SNTG1: variants seen among roughly 807,000 people sequenced by gnomAD.
SNTG1 encodes gamma-1-syntrophin.
SNTG1 carries 39 observed loss-of-function variants against 74.7 expected under a neutral mutation model. That is an observed-to-expected ratio of 0.52 (90% confidence interval 0.40 to 0.68). The LOEUF (loss-of-function observed/expected upper bound fraction) is 0.68. Ranked by LOEUF, SNTG1 falls within the 30% of genes least tolerant of loss-of-function variation. The pLI, the probability that SNTG1 is intolerant of heterozygous loss-of-function variation, is 0.00. For missense variants in SNTG1, 685 were observed against 609.5 expected, an observed-to-expected ratio of 1.12 and a Z score of -1.30; for synonymous variants, 254 against 217.1, an observed-to-expected ratio of 1.17 and a Z score of -1.49.
chr8:50,649,704 C>A (rs904770158), intron 13 of SNTG1, among the ~76,000 whole-genome samples: 1 of 152,184 alleles, frequency 6.6e-6, no homozygotes, highest in Non-Finnish European at 1.5e-5. Context: ...AAGCCAAAAT[C>A]TCTTTTCTGA....
intron 4 of SNTG1, among the ~76,000 whole-genome samples, chr8:50,413,623 A>G (rs781680974): frequency 7.2e-5 from 11 of 152,196 alleles, no homozygotes; most frequent in Non-Finnish European, 1.5e-4. Context: ...TATTTCTTCA[A>G]TTCTGAAGAA....
chr8:50,207,587 G>C (rs559715597), intron 2 of SNTG1, among the ~76,000 whole-genome samples: 13 of 152,150 alleles, frequency 8.5e-5, no homozygotes, highest in African/African-American at 2.9e-4. Context: ...TCTGATCTTA[G>C]TTATTTCTTG....
chr8:50,314,394 T>G lies in SNTG1; in HGVS notation c.-27-79818T>G, dbSNP rs1157240956. On this transcript the variant is annotated intron_variant, in intron 2 of 18. Transcript: ENST00000642720. ...ATTGAGATTCTTGGATCTATGAATT[T>G]AAAGGTTTCACCAAATCAAACATTT... 2.0e-5 allele frequency among the ~76,000 whole-genome samples: 3 copies of G among 149,768 alleles called. 1 individual carries two copies. Among genetic ancestry groups the G allele is most frequent in the South Asian group, 4.5e-4 (2 of 4,466 alleles).
At chr8:50,283,739 C>T (rs529333609) in intron 2 of SNTG1, among the ~76,000 whole-genome samples, 24 of 152,208 alleles carry the variant, frequency 1.6e-4, no homozygotes, top group African/African-American at 5.5e-4. Context: ...ATTTCCCAAG[C>T]TGTTCTGGTT....
chr8:50,146,733 T>G (rs1004478441), intron 1 of SNTG1, among the ~76,000 whole-genome samples: 12 of 152,204 alleles, frequency 7.9e-5, no homozygotes, highest in Non-Finnish European at 1.5e-4. Context: ...TTGTTTAATT[T>G]TAGATATTCT....
intron 13 of SNTG1, among the ~76,000 whole-genome samples, chr8:50,656,434 C>A (rs2095181504): frequency 1.3e-5 from 2 of 152,154 alleles, no homozygotes; most frequent in South Asian, 4.1e-4. Context: ...CCCTATCAGG[C>A]ACAGAGGAGA....
At chr8:50,719,362 C>A (rs1035648077) in intron 17 of SNTG1, among the ~76,000 whole-genome samples, 1 of 152,052 alleles carries the variant, frequency 6.6e-6, no homozygotes, top group African/African-American at 2.4e-5. Flanking sequence ...CCTTCTGCCA[C>A]GGGAGAAGGC....
intron 12 of SNTG1, among the ~76,000 whole-genome samples, chr8:50,573,394 G>T (rs192344973): frequency 6.6e-6 from 1 of 151,956 alleles, no homozygotes; most frequent in East Asian, 1.9e-4. Context: ...AAAATCAGTT[G>T]TAAAACTGGC....
At chr8:50,349,715 A>G (rs1381293101) in intron 2 of SNTG1, among the ~76,000 whole-genome samples, 1 of 152,218 alleles carries the variant, frequency 6.6e-6, no homozygotes, top group Non-Finnish European at 1.5e-5. Context: ...TTCATAAGGC[A>G]TGCCATGTTC....
intron 12 of SNTG1, among the ~76,000 whole-genome samples, chr8:50,562,712 G>A (rs964316957): frequency 6.6e-5 from 10 of 152,154 alleles, no homozygotes; most frequent in African/African-American, 2.4e-4. Flanking sequence ...TTAATGTAAA[G>A]TTCACAGTTT....
intron 15 of SNTG1, among the ~76,000 whole-genome samples, chr8:50,660,905 T>A (rs999043002): frequency 6.6e-6 from 1 of 152,134 alleles, no homozygotes; most frequent in Non-Finnish European, 1.5e-5. Flanking sequence ...GTCTTGAGAT[T>A]TTTTTCTATG....
chr8:50,171,599 C>T (rs2082810710), intron 1 of SNTG1, among the ~76,000 whole-genome samples: 1 of 152,168 alleles, frequency 6.6e-6, no homozygotes, highest in African/African-American at 2.4e-5. Flanking sequence ...CAATACTTTG[C>T]ATCCTTCAAT....
At chr8:50,072,183 C>G (rs181920026) in intron 1 of SNTG1, among the ~76,000 whole-genome samples, 7 of 152,168 alleles carry the variant, frequency 4.6e-5, no homozygotes, top group African/African-American at 1.7e-4. Context: ...TAATATGTTT[C>G]TTGGACAAGT....
chr8:50,158,691 C>A (rs1383782174), intron 1 of SNTG1, among the ~76,000 whole-genome samples: 2 of 152,046 alleles, frequency 1.3e-5, no homozygotes, highest in Non-Finnish European at 2.9e-5. Context: ...AGTAATACTG[C>A]ATAATTTGTT....
At chr8:50,590,790 C>A in intron 12 of SNTG1, 89 bp from the exon 13 acceptor site, 1 of 750,490 alleles carries the variant, frequency 1.3e-6, no homozygotes, top group South Asian at 1.8e-5. Context: ...TATATATTAG[C>A]TCACTAAAAA....
rs950770855 is a variant in SNTG1, at chr8:50,174,797, G to C, written c.-28+2162G>C. ...ACATATGTATACATGTGCCATGTTG[G>C]TGTGCTGCACCCATTAACTCATCAT... On this transcript the variant is annotated intron_variant, in intron 2 of 18. Coordinates refer to ENST00000642720, the MANE Select transcript of SNTG1 (RefSeq NM_018967.5). 1.8e-4 allele frequency among the ~76,000 whole-genome samples: 28 copies of C among 151,854 alleles called. No individual in the cohort carries two copies. The South Asian group carries it at 3.5e-3, about 19-fold the overall frequency.
At chr8:50,264,581 A>G (rs1047393991) in intron 2 of SNTG1, among the ~76,000 whole-genome samples, 11 of 151,806 alleles carry the variant, frequency 7.2e-5, no homozygotes, top group Non-Finnish European at 4.4e-5. Flanking sequence ...AAATAAAAAA[A>G]AAAAGAAGAA....
At chr8:50,399,493 T>C (rs1215042811) in intron 3 of SNTG1, among the ~76,000 whole-genome samples, 2 of 152,176 alleles carry the variant, frequency 1.3e-5, no homozygotes, top group Non-Finnish European at 1.5e-5. Flanking sequence ...GCACCAAAAG[T>C]ATATCTCTGG....
At chr8:50,305,490 G>A (rs1310461639) in intron 2 of SNTG1, among the ~76,000 whole-genome samples, 1 of 150,070 alleles carries the variant, frequency 6.7e-6, no homozygotes, top group East Asian at 2.0e-4. Flanking sequence ...TTAATTTGTG[G>A]AAAGTTCTGT....
Sources: gnomAD v4.1 joint callset for allele counts (sites outside exome capture counted in the v4.1 genomes callset) on GRCh38, gnomAD v4.1.1 for gene constraint, MANE v1.5 for transcripts, NCBI Gene and HGNC (gene_info 2026-07-23, HGNC 2026-07-21) for gene names.